RPTOR: variants seen among roughly 807,000 people sequenced by gnomAD.
RPTOR encodes regulatory-associated protein of mTOR.
In RPTOR, 21 loss-of-function variants were observed where a neutral mutation model predicts 169.9. The ratio of observed to expected loss-of-function variants is 0.12; its 90% CI spans 0.09 to 0.18. The LOEUF (loss-of-function observed/expected upper bound fraction) is 0.18, where lower values mean the gene tolerates loss of function less well. Among genes scored for constraint, RPTOR ranks in the 10% least tolerant of loss-of-function variants. The probability of loss-of-function intolerance (pLI) is 1.00; values close to 1 mark genes in which losing one functional copy is unlikely to be tolerated. For missense variants in RPTOR, 1,133 were observed against 1,855.9 expected (o/e 0.61, Z 7.16); for synonymous variants, 732 against 753.2 (o/e 0.97, Z 0.46).
At chr17:80,687,216 C>T (rs1243302605) in intron 3 of RPTOR, among the ~76,000 whole-genome samples, 1 of 152,242 alleles carries the variant, frequency 6.6e-6, no homozygotes, top group East Asian at 1.9e-4. Flanking sequence ...TAGTCTTCTT[C>T]TGACCCTCCC....
At chr17:80,889,501 G>A (rs1410623991) in intron 17 of RPTOR, among the ~76,000 whole-genome samples, 1 of 152,166 alleles carries the variant, frequency 6.6e-6, no homozygotes, top group Non-Finnish European at 1.5e-5. Context: ...TGGCCTCCCC[G>A]TCTGTGTGCT....
At chr17:80,678,756 G>A (rs1279732571) in intron 3 of RPTOR, among the ~76,000 whole-genome samples, 1 of 152,134 alleles carries the variant, frequency 6.6e-6, no homozygotes, top group African/African-American at 2.4e-5. Flanking sequence ...TGGAAGGAGC[G>A]GCGCCCTGGG....
At chr17:80,853,054 C>G (rs768199748) in intron 11 of RPTOR, among the ~76,000 whole-genome samples, 3 of 152,182 alleles carry the variant, frequency 2.0e-5, no homozygotes, top group Non-Finnish European at 4.4e-5. Flanking sequence ...GCACCCTGGT[C>G]AAACCCACCC....
chr17:80,882,455 C>G (rs2068196179), intron 14 of RPTOR, among the ~76,000 whole-genome samples: 1 of 152,256 alleles, frequency 6.6e-6, no homozygotes, highest in Admixed American at 6.5e-5. Context: ...CCGGCCCCAA[C>G]AGCAGACCTC....
Position 80,960,274 on chromosome 17 carries a change from A to T in RPTOR, c.3605+69A>T, listed in dbSNP as rs1598427021. 4 of 1,588,582 alleles carry T rather than the reference A, an allele frequency of 2.5e-6. No individual in the cohort carries two copies. Among genetic ancestry groups the T allele is most frequent in the East Asian group, 4.5e-5 (2 of 44,528 alleles). On this transcript the variant is annotated intron_variant, in intron 30 of 33. Transcript: ENST00000306801. The surrounding 1 kb of genome is among the most constrained non-coding windows in gnomAD (Gnocchi z 4.8). ...ACCTTCCAGGTGGTAGGGCCGTGTC[A>T]CTGCCATTTGGTTGGGTCCAGGTTT...
chr17:80,709,001 T>G, intron 4 of RPTOR: 1 of 985,530 alleles, frequency 1.0e-6, no homozygotes, highest in Non-Finnish European at 1.2e-6. Context: ...CCGTCCCGGG[T>G]TCGCAGCTAG....
intron 1 of RPTOR, among the ~76,000 whole-genome samples, chr17:80,606,353 G>A (rs2065229371): frequency 1.4e-5 from 2 of 147,286 alleles, no homozygotes; most frequent in Admixed American, 1.4e-4. Flanking sequence ...TGAGACTCCA[G>A]GAGTGGTCTA....
chr17:80,726,516 A>T lies in RPTOR; in HGVS notation c.508-4044A>T, dbSNP rs2066336346. On this transcript the variant is annotated intron_variant, in intron 4 of 33. Coordinates refer to ENST00000306801, the MANE Select transcript of RPTOR (RefSeq NM_020761.3). This position sits in a 1 kb window ranked among gnomAD's most constrained non-coding sequence, Gnocchi z 4.5. The stretch of plus-strand genomic sequence containing the variant: ...TGATTTTGATTTTGGCAAATGTGGA[A>T]AATAGATTTCAGCTCAAAAAGCAAG... Among the ~76,000 whole-genome samples the T allele has an allele frequency of 6.6e-6, 1 of 152,232 alleles. No individual in the cohort carries two copies. Among genetic ancestry groups the T allele is most frequent in the Non-Finnish European group, 1.5e-5 (1 of 68,040 alleles).
At chr17:80,925,091 T>C (rs781401700) in intron 23 of RPTOR, among the ~76,000 whole-genome samples, 5 of 152,104 alleles carry the variant, frequency 3.3e-5, no homozygotes, top group Non-Finnish European at 4.4e-5. Flanking sequence ...AACAGTCAGT[T>C]AGAATTGACT....
At chr17:80,732,801 A>C (rs2066403537) in intron 5 of RPTOR, among the ~76,000 whole-genome samples, 1 of 152,252 alleles carries the variant, frequency 6.6e-6, no homozygotes, top group Admixed American at 6.5e-5. Flanking sequence ...CTGCTAGAGA[A>C]ACAGCAATCC....
chr17:80,750,201 A>G (rs944098376), intron 5 of RPTOR, among the ~76,000 whole-genome samples: 3 of 152,206 alleles, frequency 2.0e-5, no homozygotes, highest in African/African-American at 7.2e-5. Context: ...ATTTTTTGCT[A>G]TATTTCTGCT....
rs1442139143 is a variant in RPTOR, at chr17:80,964,537, G to A, written c.*207G>A. 8 of 600,214 alleles carry A rather than the reference G, an allele frequency of 1.3e-5. No individual in the cohort carries two copies. The highest frequency in any genetic ancestry group is 2.0e-5 in the South Asian group (1 of 50,224). The allele number at this position is 600,214 out of a possible 1,614,324, so 37.2% of individuals were successfully genotyped here. On this transcript the variant is annotated 3_prime_UTR_variant, in exon 34 of 34. Transcript: ENST00000306801. ...GGAATGTCAGGGAAGGGGAGGGCTC[G>A]GGTTGACGGTGGCTTCCCACTGAGC...
At chr17:80,914,863 G>A (rs1407095397) in intron 21 of RPTOR, among the ~76,000 whole-genome samples, 2 of 152,268 alleles carry the variant, frequency 1.3e-5, no homozygotes, top group African/African-American at 4.8e-5. Context: ...CCAGTGAAGT[G>A]CCACCTTCAA....
intron 9 of RPTOR, among the ~76,000 whole-genome samples, chr17:80,833,517 G>A (rs991814266): frequency 2.6e-5 from 4 of 152,150 alleles, no homozygotes; most frequent in South Asian, 2.1e-4. Flanking sequence ...GGCTGCTGCC[G>A]CCGAAGCCCA....
chr17:80,775,053 G>T (rs2066880582), intron 6 of RPTOR, among the ~76,000 whole-genome samples: 1 of 152,186 alleles, frequency 6.6e-6, no homozygotes, highest in Non-Finnish European at 1.5e-5. Context: ...TCTTCATGGT[G>T]TAAGTCTGGC....
chr17:80,679,843 A>G (rs1342677394), intron 3 of RPTOR, among the ~76,000 whole-genome samples: 4 of 152,086 alleles, frequency 2.6e-5, no homozygotes, highest in East Asian at 3.9e-4. Flanking sequence ...CTTCTTCCCA[A>G]TTCTTCCAGC....
At chr17:80,560,307 G>A (rs527248327) in intron 1 of RPTOR, among the ~76,000 whole-genome samples, 20 of 152,312 alleles carry the variant, frequency 1.3e-4, no homozygotes, top group African/African-American at 4.1e-4. Flanking sequence ...CAGGGCGGAG[G>A]ATGGACAATG....
chr17:80,694,439 C>G (rs1598229203), intron 3 of RPTOR, among the ~76,000 whole-genome samples: 1 of 152,262 alleles, frequency 6.6e-6, no homozygotes. Flanking sequence ...CGCACAATCT[C>G]TCAGTGGAGT....
At chr17:80,913,673 A>T (rs1322012888) in intron 21 of RPTOR, among the ~76,000 whole-genome samples, 74 of 152,212 alleles carry the variant, frequency 4.9e-4, no homozygotes, top group Middle Eastern at 3.4e-3. Context: ...GGCTGGTCTC[A>T]AACTCCTAGG....
Sources: gnomAD v4.1 joint callset for allele counts (sites outside exome capture counted in the v4.1 genomes callset) on GRCh38, gnomAD v4.1.1 for gene constraint, Gnocchi (gnomAD v3.1) non-coding constraint, MANE v1.5 for transcripts, NCBI Gene and HGNC (gene_info 2026-07-23, HGNC 2026-07-21) for gene names.